Variants in SLC12A3 observed in about 807,000 individuals in gnomAD.
SLC12A3 encodes Na-Cl cotransporter.
Under a neutral mutation model 121.0 loss-of-function variants are expected in SLC12A3, and 104 were observed. The observed-to-expected ratio is 0.86, with a 90% CI of 0.73 to 1.01. The LOEUF is 1.01. Ranked by LOEUF, SLC12A3 falls within the 50% of genes least tolerant of loss-of-function variation. The pLI is 0.00. For synonymous variants in SLC12A3, 536 were observed against 533.4 expected, an observed-to-expected ratio of 1.00 and a Z score of -0.07; for missense variants, 1,328 against 1,356.3, an observed-to-expected ratio of 0.98 and a Z score of 0.33.
At position 56,881,444 on chromosome 16, in the gene SLC12A3, T is replaced by TCG. The variant is rs11378837; in HGVS notation, c.1568-952_1568-951insCG. ...GATGCAGATTCGATGTCCTTTCATC[T>TCG]GGGGGGGGGTCTGACTTGACTTCAG... On this transcript the variant is annotated intron_variant, in intron 12 of 25. Transcript: ENST00000563236. Among the ~76,000 whole-genome samples, 93 of 150,272 alleles carry TCG rather than the reference T, an allele frequency of 6.2e-4. No homozygotes were observed. The East Asian group carries it at 0.012, about 19-fold the overall frequency.
At chr16:56,886,701 C>T (rs1486189696) in intron 16 of SLC12A3, among the ~76,000 whole-genome samples, 1 of 152,078 alleles carries the variant, frequency 6.6e-6, no homozygotes. Context: ...CCCCATGGAC[C>T]CCATTCTCTC....
At position 56,903,563 on chromosome 16, in the gene SLC12A3, A is replaced by G. The variant is rs537076170; in HGVS notation, c.2857-832A>G. ...TCCTACGATGTGCAGGACACTTCCCACAACAAGGACTTGTATGCCCCAAAT... is the reference window on the plus strand; with the variant it reads ...TCCTACGATGTGCAGGACACTTCCCGCAACAAGGACTTGTATGCCCCAAAT... On this transcript the variant is annotated intron_variant, in intron 24 of 25. Coordinates refer to ENST00000563236, the MANE Select transcript of SLC12A3 (RefSeq NM_001126108.2). Among the ~76,000 whole-genome samples the G allele has an allele frequency of 4.2e-3, 646 of 152,332 alleles. 3 individuals are homozygous for G. Among genetic ancestry groups the G allele is most frequent in the African/African-American group, 0.015 (614 of 41,566 alleles).
intron 24 of SLC12A3, 95 bp downstream of exon 24, chr16:56,902,603 T>C: frequency 6.8e-7 from 1 of 1,470,886 alleles, no homozygotes; most frequent in Non-Finnish European, 9.3e-7. Flanking sequence ...CTCCCCTCGA[T>C]CCTCCACCCT....
At chr16:56,872,158 A>T (rs1281959921) in intron 6 of SLC12A3, among the ~76,000 whole-genome samples, 193 bp from the exon 7 acceptor site, 1 of 152,204 alleles carries the variant, frequency 6.6e-6, no homozygotes, top group African/African-American at 2.4e-5. Flanking sequence ...ATCAGCCAAG[A>T]CAAGAGGCTT....
chr16:56,886,562 A>G lies in SLC12A3; in HGVS notation c.2037+87A>G, dbSNP rs1456555803. ...CACTCTGGGGAGCCAAGACAGGTGG[A>G]TCACCCGAGGTCAGGAGTTTGAGAC... is the stretch of plus-strand genomic sequence containing the variant. On this transcript the variant is annotated intron_variant, in intron 16 of 25. Transcript: ENST00000563236. 4.9e-6 allele frequency: 6 copies of G among 1,230,814 alleles called. No individual in the cohort carries two copies. In the Admixed American group the frequency reaches 8.6e-5, roughly 18 times the overall value. 76.2% of individuals were successfully genotyped at this position (1,230,814 alleles called of 1,614,324 possible).
intron 8 of SLC12A3, among the ~76,000 whole-genome samples, chr16:56,875,584 G>A (rs1269958301): frequency 2.6e-5 from 4 of 151,980 alleles, no homozygotes; most frequent in South Asian, 2.1e-4. Flanking sequence ...TAACAAATAC[G>A]TTTTGTGCTG....
intron 23 of SLC12A3, among the ~76,000 whole-genome samples, chr16:56,900,986 GC>G (rs1402692276): frequency 3.3e-5 from 5 of 152,026 alleles, no homozygotes; most frequent in South Asian, 2.1e-4. Flanking sequence ...CCAACCCACT[GC>G]CCCCGCTGTC....
In SLC12A3 at chr16:56,888,041, G is replaced by A. The variant is rs768096281; in HGVS notation, c.2285+10G>A. 6.3e-6 allele frequency: 10 copies of A among 1,585,094 alleles called. No homozygotes were observed. Among genetic ancestry groups the A allele is most frequent in the Non-Finnish European group, 8.7e-6 (10 of 1,155,112 alleles). Reference sequence around the variant, plus strand: ...ACATTGGCATCCTCCAGTGAGTCGGGGGAGAGGAAGGGGCTTGGGGTCTGT... The same window carrying A: ...ACATTGGCATCCTCCAGTGAGTCGGAGGAGAGGAAGGGGCTTGGGGTCTGT... On this transcript the variant is annotated intron_variant, in intron 18 of 25. Coordinates refer to ENST00000563236, the MANE Select transcript of SLC12A3 (RefSeq NM_001126108.2).
chr16:56,888,257 C>T (rs551043774), intron 18 of SLC12A3, among the ~76,000 whole-genome samples: 13 of 152,240 alleles, frequency 8.5e-5, no homozygotes, highest in South Asian at 2.1e-4. Context: ...CCAGCCTAGG[C>T]GAAAGAGCAA....
intron 20 of SLC12A3, among the ~76,000 whole-genome samples, chr16:56,892,640 AGGCGGGAGG>A (rs2055404672): frequency 6.6e-6 from 1 of 152,092 alleles, no homozygotes; most frequent in African/African-American, 2.4e-5. Flanking sequence ...CCTGAAGTGC[AGGCGGGAGG>A]GCTGCTGTGG....
intron 3 of SLC12A3, 113 bp from the exon 4 acceptor site, chr16:56,869,615 GA>G: frequency 1.2e-6 from 1 of 865,800 alleles, no homozygotes; most frequent in Non-Finnish European, 1.9e-6. Context: ...TTTCAGATGA[GA>G]AAACTGAAGC....
rs2144688707 is a variant in SLC12A3 at position 56,869,833 on chromosome 16, T to C, written c.601+9T>C. 6.2e-7 allele frequency: 1 copy of C among 1,611,010 alleles called. No homozygotes were observed. The highest frequency in any genetic ancestry group is 8.5e-7 in the Non-Finnish European group (1 of 1,177,306). ...TGGCAAGGTCAAGTCAGGTGGGCCA[T>C]CCCCCTTTCCACCAAGGCCCTCCTC... On this transcript the variant is annotated intron_variant, in intron 4 of 25. Transcript: ENST00000563236.
chr16:56,879,206 C>G lies in SLC12A3; in HGVS notation c.1314C>G (p.Tyr438Ter), dbSNP rs776210036. The change falls in exon 10 of 26, where the codon TAC becomes TAG. Residue 438 changes from tyrosine (Y) to a stop codon, truncating the protein, a stop_gained. Transcript: ENST00000563236. LOFTEE classifies it high-confidence loss of function. ...TECTQQHSCH[Y>*]GLINYYQTMS... is the part of the protein sequence containing the mutation. ...GCACCCAGCAGCACAGCTGCCACTA[C>G]GGCCTCATCAACTATTACCAGGTAC... is the stretch of plus-strand genomic sequence containing the variant. 1.9e-6 allele frequency: 3 copies of G among 1,613,944 alleles called. No homozygotes were observed. The highest frequency in any genetic ancestry group is 1.7e-6 in the Non-Finnish European group (2 of 1,180,028).
At position 56,914,487 on chromosome 16, in the gene SLC12A3, G is replaced by A. The variant is rs570026529; in HGVS notation, c.*1082G>A. On this transcript the variant is annotated 3_prime_UTR_variant, in exon 26 of 26. Transcript: ENST00000563236. ...GTTGCAATCCAATAAAATGACTTTG[G>A]GATCCACTCATGGGTGGGGACCCAC... 1 of 152,294 alleles carries A rather than the reference G, an allele frequency of 6.6e-6. No homozygotes were observed. The highest frequency in any genetic ancestry group is 1.9e-4 in the East Asian group (1 of 5,186). 9.4% of individuals were successfully genotyped at this position (152,294 alleles called of 1,614,324 possible). A position where few individuals can be genotyped will look rare whatever the true frequency, so the allele number is the denominator to read the frequency against.
chr16:56,866,654 G>A (rs1437921371), intron 1 of SLC12A3, among the ~76,000 whole-genome samples: 1 of 152,120 alleles, frequency 6.6e-6, no homozygotes, highest in Non-Finnish European at 1.5e-5. Context: ...AGGACTCCCA[G>A]TCTCCCATGG....
At chr16:56,910,557 C>G (rs1428388605) in intron 25 of SLC12A3, among the ~76,000 whole-genome samples, 2 of 152,144 alleles carry the variant, frequency 1.3e-5, no homozygotes, top group East Asian at 1.9e-4. Context: ...CCAGGCTGGT[C>G]TCCAACTCCT....
Position 56,913,027 on chromosome 16 carries a change from G to C in SLC12A3, c.2925-237G>C, listed in dbSNP as rs541066606. On this transcript the variant is annotated intron_variant, in intron 25 of 25. Coordinates refer to ENST00000563236, the MANE Select transcript of SLC12A3 (RefSeq NM_001126108.2). Reference sequence around the variant, plus strand: ...TGGGAGGAGGTGAGGTCGTGGGCTTGGCAAGGACTAGATCCCATAGGGCTT... The same window carrying C: ...TGGGAGGAGGTGAGGTCGTGGGCTTCGCAAGGACTAGATCCCATAGGGCTT... 4.6e-5 allele frequency among the ~76,000 whole-genome samples: 7 copies of C among 152,296 alleles called. No individual in the cohort carries two copies. The South Asian group carries it at 1.5e-3, about 32-fold the overall frequency.
chr16:56,910,930 A>G (rs1328833597), intron 25 of SLC12A3, among the ~76,000 whole-genome samples: 1 of 152,094 alleles, frequency 6.6e-6, no homozygotes, highest in African/African-American at 2.4e-5. Flanking sequence ...GCAGGAATAG[A>G]GCACGTCATT....
chr16:56,890,491 C>A, intron 19 of SLC12A3, 135 bp downstream of exon 19: 1 of 726,594 alleles, frequency 1.4e-6, no homozygotes. Context: ...CCCTTAGAGC[C>A]CATCAGTTTT....
Sources: gnomAD v4.1 joint callset for allele counts (sites outside exome capture counted in the v4.1 genomes callset) on GRCh38, gnomAD v4.1.1 for gene constraint, MANE v1.5 for transcripts, NCBI Gene and HGNC (gene_info 2026-07-23, HGNC 2026-07-21) for gene names.